The following ANKS1B variants were observed in gnomAD, a reference collection of about 807,000 sequenced individuals.
ANKS1B encodes the protein ankyrin repeat and sterile alpha motif domain containing 1B.
A neutral mutation model predicts 148.3 loss-of-function variants in ANKS1B; 36 were observed. That is an observed-to-expected ratio of 0.24 (90% CI 0.19 to 0.32). The LOEUF (loss-of-function observed/expected upper bound fraction) is 0.32. Ranked by LOEUF, ANKS1B falls within the 10% of genes least tolerant of loss-of-function variation. ANKS1B has a pLI of 1.00. For synonymous variants in ANKS1B, 542 were observed against 560.8 expected, an observed-to-expected ratio of 0.97 and a Z score of 0.47; for missense variants, 1,157 against 1,542.6, an observed-to-expected ratio of 0.75 and a Z score of 4.19.
At chr12:99,575,502 T>C (rs1297723558) in intron 9 of ANKS1B, among the ~76,000 whole-genome samples, 1 of 152,040 alleles carries the variant, frequency 6.6e-6, no homozygotes, top group Non-Finnish European at 1.5e-5. Flanking sequence ...AATTGACTCA[T>C]GGATCCACAT....
intron 3 of ANKS1B, among the ~76,000 whole-genome samples, chr12:99,807,353 T>C (rs1202528317): frequency 6.6e-6 from 1 of 152,174 alleles, no homozygotes; most frequent in Non-Finnish European, 1.5e-5. Context: ...AAGGGTTCAG[T>C]TGAAAATCAA....
chr12:99,402,069 C>T (rs543902508), intron 11 of ANKS1B, among the ~76,000 whole-genome samples: 2 of 146,338 alleles, frequency 1.4e-5, no homozygotes, highest in Non-Finnish European at 3.0e-5. Flanking sequence ...TTTGGCCACT[C>T]CTGTTCTATG....
At chr12:99,391,732 G>A (rs547911697) in intron 12 of ANKS1B, among the ~76,000 whole-genome samples, 1 of 152,222 alleles carries the variant, frequency 6.6e-6, no homozygotes, top group East Asian at 1.9e-4. Flanking sequence ...GTGCTGAAAA[G>A]CAATCAACTT....
chr12:99,517,593 G>A (rs1308122064), intron 9 of ANKS1B, among the ~76,000 whole-genome samples: 1 of 151,804 alleles, frequency 6.6e-6, no homozygotes, highest in African/African-American at 2.4e-5. Context: ...GCTGGGTGTG[G>A]TGGTGGGCGC....
intron 1 of ANKS1B, among the ~76,000 whole-genome samples, chr12:99,872,523 C>T (rs551411842): frequency 3.1e-4 from 47 of 152,198 alleles, no homozygotes; most frequent in African/African-American, 1.0e-3. Flanking sequence ...CTGGCACAAA[C>T]ACTACCCAGT....
chr12:98,924,623 T>C (rs992074082), intron 17 of ANKS1B, among the ~76,000 whole-genome samples: 1 of 152,182 alleles, frequency 6.6e-6, no homozygotes, highest in Non-Finnish European at 1.5e-5. Flanking sequence ...GACGTAAGTG[T>C]GGAACTGATA....
intron 2 of ANKS1B, among the ~76,000 whole-genome samples, chr12:99,815,008 G>A (rs1318299920): frequency 6.6e-6 from 1 of 151,716 alleles, no homozygotes; most frequent in African/African-American, 2.4e-5. Flanking sequence ...AGACAACTGT[G>A]AGAAGAGAAA....
chr12:99,809,229 AG>A (rs941545451), intron 3 of ANKS1B, among the ~76,000 whole-genome samples: 4 of 152,126 alleles, frequency 2.6e-5, no homozygotes, highest in African/African-American at 9.7e-5. Context: ...AATGGATGAT[AG>A]AACAAAACTG....
intron 1 of ANKS1B, among the ~76,000 whole-genome samples, chr12:99,836,736 G>C (rs1294863579): frequency 6.6e-6 from 1 of 152,124 alleles, no homozygotes; most frequent in Non-Finnish European, 1.5e-5. Flanking sequence ...TTCTAAAAGT[G>C]TAAAACATTC....
chr12:99,672,304 T>C (rs2098541843), intron 8 of ANKS1B, among the ~76,000 whole-genome samples: 1 of 152,140 alleles, frequency 6.6e-6, no homozygotes, highest in South Asian at 2.1e-4. Context: ...TTCACTTTGA[T>C]CTTCCTAATG....
chr12:99,380,093 G>C (rs1304502468), intron 12 of ANKS1B, among the ~76,000 whole-genome samples: 1 of 152,156 alleles, frequency 6.6e-6, no homozygotes. Flanking sequence ...GTCTGATTTA[G>C]TTGAACCAAG....
intron 19 of ANKS1B, among the ~76,000 whole-genome samples, chr12:98,812,802 C>A (rs905679966): frequency 6.6e-6 from 1 of 152,062 alleles, no homozygotes; most frequent in African/African-American, 2.4e-5. Flanking sequence ...GTCTCAAACG[C>A]CTGGCCTCAA....
At chr12:99,203,345 T>C (rs2082282627) in intron 14 of ANKS1B, among the ~76,000 whole-genome samples, 1 of 152,208 alleles carries the variant, frequency 6.6e-6, no homozygotes, top group Non-Finnish European at 1.5e-5. Flanking sequence ...GCTTTTCTAC[T>C]TTCTGACATC....
At chr12:98,810,681 T>C (rs1220012085) in intron 19 of ANKS1B, among the ~76,000 whole-genome samples, 1 of 152,106 alleles carries the variant, frequency 6.6e-6, no homozygotes, top group African/African-American at 2.4e-5. Flanking sequence ...CACCAAAAAG[T>C]TGTTTTAGGT....
chr12:98,964,376 G>A (rs2099875985), intron 17 of ANKS1B, among the ~76,000 whole-genome samples: 1 of 152,184 alleles, frequency 6.6e-6, no homozygotes, highest in Non-Finnish European at 1.5e-5. Context: ...AACCACTATG[G>A]AGAACAGTTT....
At chr12:99,489,243 G>GAA (rs34006525) in intron 10 of ANKS1B, among the ~76,000 whole-genome samples, 9 of 82,308 alleles carry the variant, frequency 1.1e-4, no homozygotes, top group Middle Eastern at 6.4e-3. Flanking sequence ...CTCCATCTCA[G>GAA]AAAAAAAAAA....
In ANKS1B at chr12:99,301,582, T is replaced by C. The variant is rs186777287; in HGVS notation, c.1757-54718A>G. ...ATTCATTCAAAATACATTTATGTAT[T>C]AAATGTACATAATAGATTTACTCAT... On this transcript the variant is annotated intron_variant, in intron 12 of 26. Transcript: ENST00000683438. Among the ~76,000 whole-genome samples, 253 of 152,258 alleles carry C rather than the reference T, an allele frequency of 1.7e-3. 2 individuals carry two copies. The highest frequency in any genetic ancestry group is 3.1e-3 in the Non-Finnish European group (208 of 68,024).
intron 8 of ANKS1B, among the ~76,000 whole-genome samples, chr12:99,655,541 T>C (rs942646985): frequency 2.6e-5 from 4 of 152,152 alleles, no homozygotes; most frequent in African/African-American, 9.7e-5. Flanking sequence ...GGTTTAGGCA[T>C]AAAATTAAGG....
intron 15 of ANKS1B, chr12:99,099,828 G>A (rs1457578280): frequency 6.6e-6 from 1 of 152,140 alleles, no homozygotes; most frequent in African/African-American, 2.4e-5. Flanking sequence ...ACCATGACAA[G>A]TCTAAAGAGA....
Sources: gnomAD v4.1 joint callset for allele counts (sites outside exome capture counted in the v4.1 genomes callset) on GRCh38, gnomAD v4.1.1 for gene constraint, MANE v1.5 for transcripts, NCBI Gene and HGNC (gene_info 2026-07-23, HGNC 2026-07-21) for gene names.